ROCK1: variants seen among roughly 807,000 people sequenced by gnomAD.
The protein encoded by ROCK1 is rho-associated protein kinase 1.
Under a neutral mutation model 196.8 loss-of-function variants are expected in ROCK1, and 36 were observed. That is an observed-to-expected ratio of 0.18 (90% CI 0.14 to 0.24). The LOEUF (loss-of-function observed/expected upper bound fraction) is 0.24, where lower values mean the gene tolerates loss of function less well. ROCK1 is among the 10% of genes least tolerant of loss of function. ROCK1 has a pLI of 1.00. For synonymous variants in ROCK1, 443 were observed against 515.9 expected (o/e 0.86, Z 1.91); for missense variants, 920 against 1,562.0 (o/e 0.59, Z 6.93).
In ROCK1 at chr18:20,983,320, G is replaced by A. The variant is rs567166892; in HGVS notation, c.2490-488C>T. 1.8e-4 allele frequency among the ~76,000 whole-genome samples: 27 copies of A among 148,492 alleles called. No homozygotes were observed. In the South Asian group the frequency reaches 2.9e-3, roughly 16 times the overall value. ...TATGGCCAATTAAGCACAAGAAAGG[G>A]GCTGGTGGAAATGAACCATCAGGTA... On this transcript the variant is annotated intron_variant, in intron 20 of 32. Transcript: ENST00000399799.
At chr18:20,989,419 A>AT (rs1444899878) in intron 18 of ROCK1, among the ~76,000 whole-genome samples, 1 of 152,254 alleles carries the variant, frequency 6.6e-6, no homozygotes, top group Non-Finnish European at 1.5e-5. Context: ...AGCAAAAATA[A>AT]TTTAAGATGC....
chr18:21,049,821 C>T lies in ROCK1; in HGVS notation c.235G>A (p.Val79Met). 12 of 1,609,076 alleles carry T rather than the reference C, an allele frequency of 7.5e-6. No individual in the cohort carries two copies. The highest frequency in any genetic ancestry group is 1.0e-5 in the Non-Finnish European group (12 of 1,177,328). The change falls in exon 3 of 33, where the codon GTG (valine) becomes ATG (methionine). Residue 79 changes from valine (V) to methionine (M), a missense_variant. Physicochemically the swap from Val to Met is conservative, Grantham distance 21 (BLOSUM62 1). This residue lies in a region of ROCK1 where 234 missense variants were observed against 460.7 expected (regional missense o/e 0.51). Coordinates refer to ENST00000399799, the MANE Select transcript of ROCK1 (RefSeq NM_005406.3). ...AATGCACCTCTACCAATCACCTTCACTACTTCATAATCTTCAGCTTTCATT... is the reference window on the plus strand; with the variant it reads ...AATGCACCTCTACCAATCACCTTCATTACTTCATAATCTTCAGCTTTCATT... ...LRMKAEDYEV[V>M]KVIGRGAFGE...
chr18:21,097,017 TG>T (rs1189395733), intron 1 of ROCK1, among the ~76,000 whole-genome samples: 1 of 152,088 alleles, frequency 6.6e-6, no homozygotes, highest in African/African-American at 2.4e-5. Context: ...GAGGAGGACA[TG>T]GGGGAGAACT....
intron 2 of ROCK1, among the ~76,000 whole-genome samples, chr18:21,064,184 G>A (rs1258389880): frequency 1.3e-5 from 2 of 151,942 alleles, no homozygotes; most frequent in Admixed American, 6.6e-5. Flanking sequence ...CCGTCCTCCC[G>A]ACCCTTTCTC....
In ROCK1 at chr18:20,959,013, AAT is replaced by A. The variant is rs1491372833; in HGVS notation, c.3512+825_3512+826del. On this transcript the variant is annotated intron_variant, in intron 29 of 32. Coordinates refer to ENST00000399799, the MANE Select transcript of ROCK1 (RefSeq NM_005406.3). ...AAAAAATAATATATATATTTTATAT[AAT>A]ATATATAATATATATATTTTATATA... 9.0e-3 allele frequency among the ~76,000 whole-genome samples: 661 copies of A among 73,588 alleles called. 7 individuals are homozygous for A. Among genetic ancestry groups the A allele is most frequent in the Middle Eastern group, 0.027 (4 of 150 alleles). The allele number at this position is 73,588 out of a possible 152,430, so 48.3% of individuals were successfully genotyped here.
chr18:21,108,989 ATGTC>A (rs984406634), intron 1 of ROCK1, among the ~76,000 whole-genome samples: 44 of 152,320 alleles, frequency 2.9e-4, no homozygotes, highest in African/African-American at 9.6e-4. Context: ...ATAGCCAGTC[ATGTC>A]TCCACCCTCT....
intron 16 of ROCK1, among the ~76,000 whole-genome samples, chr18:20,997,217 T>C (rs1305063540): frequency 6.6e-6 from 1 of 152,098 alleles, no homozygotes; most frequent in Non-Finnish European, 1.5e-5. Context: ...AATGATCTGT[T>C]GACTACAAGA....
intron 28 of ROCK1, 59 bp downstream of exon 28, chr18:20,960,077 T>C: frequency 1.6e-6 from 2 of 1,235,980 alleles, no homozygotes; most frequent in South Asian, 2.5e-5. Context: ...ATAAGTTCTA[T>C]GCTCCAAAGT....
rs766613052 is a variant in ROCK1 at position 20,970,418 on chromosome 18, G to A, written c.2750C>T (p.Thr917Met). Reference sequence around the variant, plus strand: ...TGAAGCAGCTTTCTTGCTTTCTTGCGTCAATTCAAAATACTGTTCTTCCAG... The same window carrying A: ...TGAAGCAGCTTTCTTGCTTTCTTGCATCAATTCAAAATACTGTTCTTCCAG... ...GLLEEQYFEL[T>M]QESKKAASRN... The change falls in exon 23 of 33, where the codon ACG (threonine) becomes ATG (methionine). Residue 917 changes from threonine to methionine, a missense_variant. By Grantham distance (81) the Thr-to-Met change is moderately conservative (BLOSUM62 -1). Coordinates refer to ENST00000399799, the MANE Select transcript of ROCK1 (RefSeq NM_005406.3). 2.1e-5 allele frequency: 34 copies of A among 1,613,502 alleles called. No individual in the cohort carries two copies. Among genetic ancestry groups the A allele is most frequent in the African/African-American group, 8.0e-5 (6 of 74,836 alleles).
At position 21,111,329 on chromosome 18, in the gene ROCK1, A is replaced by C. The variant is rs1269380681; in HGVS notation, c.-419T>G. On this transcript the variant is annotated 5_prime_UTR_variant, in exon 1 of 33. Transcript: ENST00000399799. This position sits in a 1 kb window ranked among gnomAD's most constrained non-coding sequence, Gnocchi z 4.2. The stretch of plus-strand genomic sequence containing the variant: ...CCCTCCGGGCAACAAGGGAGGGAGA[A>C]GAGGAAAGGCGAAAGCAAAGGGCGG... The C allele has an allele frequency of 6.7e-6, 3 of 450,958 alleles. No homozygotes were observed. The highest frequency in any genetic ancestry group is 1.2e-5 in the Non-Finnish European group (3 of 257,896). 27.9% of individuals were successfully genotyped at this position (450,958 alleles called of 1,614,324 possible).
chr18:20,984,547 A>C lies in ROCK1; in HGVS notation c.2305-12T>G. 1 of 1,575,688 alleles carries C rather than the reference A, an allele frequency of 6.3e-7. No individual in the cohort carries two copies. Among genetic ancestry groups the C allele is most frequent in the South Asian group, 1.2e-5 (1 of 85,104 alleles). On this transcript the variant is annotated splice_polypyrimidine_tract_variant and intron_variant, in intron 19 of 32. Transcript: ENST00000399799. Reference sequence around the variant, plus strand: ...GTTAGATTCTTAACCTATGAATGAGAAAAATAATTGGGATCTTAAATCTCT... The same window carrying C: ...GTTAGATTCTTAACCTATGAATGAGCAAAATAATTGGGATCTTAAATCTCT...
chr18:21,067,473 A>G (rs930396925), intron 2 of ROCK1, among the ~76,000 whole-genome samples: 1 of 138,226 alleles, frequency 7.2e-6, no homozygotes, highest in Non-Finnish European at 1.5e-5. Flanking sequence ...TGCAACCTCC[A>G]CCTCCTGGGT....
rs760073687 is a variant in ROCK1, at chr18:21,049,815, C to T, written c.241G>A (p.Val81Met). 1 of 1,608,636 alleles carries T rather than the reference C, an allele frequency of 6.2e-7. No individual in the cohort carries two copies. The highest frequency in any genetic ancestry group is 1.1e-5 in the South Asian group (1 of 90,318). ...MKAEDYEVVK[V>M]IGRGAFGEVQ... ...TCTCCAAATGCACCTCTACCAATCACCTTCACTACTTCATAATCTTCAGCT... is the reference window on the plus strand; with the variant it reads ...TCTCCAAATGCACCTCTACCAATCATCTTCACTACTTCATAATCTTCAGCT... Residue 81 changes from valine (V) to methionine (M), a missense_variant, in exon 3 of 33, where the codon GTG becomes ATG. Around this residue, in one of 6 missense-constraint regions of ROCK1, gnomAD observed 234 missense variants for 460.7 expected, o/e 0.51. Coordinates refer to ENST00000399799, the MANE Select transcript of ROCK1 (RefSeq NM_005406.3).
intron 1 of ROCK1, among the ~76,000 whole-genome samples, chr18:21,087,521 T>C (rs923846267): frequency 4.6e-5 from 7 of 151,968 alleles, no homozygotes; most frequent in African/African-American, 1.4e-4. Flanking sequence ...AAAGTGGGTG[T>C]GGCTATATTA....
At chr18:21,099,104 T>C (rs1470261855) in intron 1 of ROCK1, among the ~76,000 whole-genome samples, 5 of 152,120 alleles carry the variant, frequency 3.3e-5, no homozygotes, top group Admixed American at 1.3e-4. Context: ...AAAGACACAC[T>C]GGTAAAAATA....
chr18:20,965,398 TACATATATAC>T (rs1311220877), intron 27 of ROCK1, among the ~76,000 whole-genome samples: 214 of 136,584 alleles, frequency 1.6e-3, no homozygotes, highest in African/African-American at 5.5e-3. Context: ...CATACATACA[TACATATATAC>T]ATACATACAT....
intron 16 of ROCK1, among the ~76,000 whole-genome samples, chr18:20,993,359 G>C (rs575438875): frequency 6.6e-6 from 1 of 152,058 alleles, no homozygotes; most frequent in Non-Finnish European, 1.5e-5. Flanking sequence ...CCTGCCACCA[G>C]GCCCGGCTAA....
chr18:21,094,909 G>A (rs550159476), intron 1 of ROCK1, among the ~76,000 whole-genome samples: 1 of 152,028 alleles, frequency 6.6e-6, no homozygotes, highest in East Asian at 1.9e-4. Flanking sequence ...AATTAGCCAG[G>A]TGTGGTGGTG....
chr18:21,041,462 T>C (rs1406077717), intron 8 of ROCK1, among the ~76,000 whole-genome samples: 1 of 151,996 alleles, frequency 6.6e-6, no homozygotes, highest in Non-Finnish European at 1.5e-5. Context: ...CTGGTTCACT[T>C]TCAAATTTCA....
Sources: gnomAD v4.1 joint callset for allele counts (sites outside exome capture counted in the v4.1 genomes callset) on GRCh38, gnomAD v4.1.1 for gene constraint, gnomAD v4.1.1 regional missense constraint, Gnocchi (gnomAD v3.1) non-coding constraint, MANE v1.5 for transcripts, NCBI Gene and HGNC (gene_info 2026-07-23, HGNC 2026-07-21) for gene names.